Variants in SH3RF3 observed in about 807,000 individuals in gnomAD.
The protein encoded by SH3RF3 is SH3 domain containing ring finger 3, also known as E3 ubiquitin-protein ligase SH3RF3.
In SH3RF3, 29 loss-of-function variants were observed where a neutral mutation model predicts 66.3. That is an observed-to-expected ratio of 0.44 (90% CI 0.33 to 0.60). The LOEUF (loss-of-function observed/expected upper bound fraction) is 0.60. Ranked by LOEUF, SH3RF3 falls within the 20% of genes least tolerant of loss-of-function variation. The pLI is 0.04. For synonymous variants in SH3RF3, 583 were observed against 532.0 expected, an observed-to-expected ratio of 1.10 and a Z score of -1.32; for missense variants, 1,194 against 1,190.9, an observed-to-expected ratio of 1.00 and a Z score of -0.04.
chr2:109,325,169 G>A (rs562863545), intron 1 of SH3RF3, among the ~76,000 whole-genome samples: 1 of 152,002 alleles, frequency 6.6e-6, no homozygotes, highest in Non-Finnish European at 1.5e-5. Flanking sequence ...CAACTCACTG[G>A]TCTTTAATTT....
intron 1 of SH3RF3, among the ~76,000 whole-genome samples, chr2:109,339,136 G>A (rs1012651795): frequency 2.0e-5 from 3 of 152,146 alleles, no homozygotes; most frequent in African/African-American, 7.2e-5. Flanking sequence ...TGGCTTTGCT[G>A]TCTCAGGCAG....
chr2:109,345,630 C>T lies in SH3RF3; in HGVS notation c.574-2044C>T, dbSNP rs995955409. On this transcript the variant is annotated intron_variant, in intron 1 of 9. Coordinates refer to ENST00000309415, the MANE Select transcript of SH3RF3 (RefSeq NM_001099289.3). Reference sequence around the variant, plus strand: ...TTTCTTACATCCCTTCAAAACTGCTCGCCTTGATGGATATCTAAGTGTCTC... The same window carrying T: ...TTTCTTACATCCCTTCAAAACTGCTTGCCTTGATGGATATCTAAGTGTCTC... Among the ~76,000 whole-genome samples, 7 of 152,248 alleles carry T rather than the reference C, an allele frequency of 4.6e-5. No individual in the cohort carries two copies. The South Asian group carries it at 8.3e-4, about 18-fold the overall frequency.
chr2:109,437,511 C>T (rs1042424222), intron 7 of SH3RF3, among the ~76,000 whole-genome samples: 5 of 152,192 alleles, frequency 3.3e-5, no homozygotes, highest in Admixed American at 1.3e-4. Context: ...AGATTAACAC[C>T]GGCACTTTCA....
intron 2 of SH3RF3, among the ~76,000 whole-genome samples, chr2:109,356,613 T>G (rs1559040857): frequency 6.6e-6 from 1 of 152,210 alleles, no homozygotes; most frequent in Non-Finnish European, 1.5e-5. Flanking sequence ...TCCCAGGGCT[T>G]GGCACTTAGG....
chr2:109,368,089 T>A (rs1402362724), intron 2 of SH3RF3, among the ~76,000 whole-genome samples: 4 of 152,230 alleles, frequency 2.6e-5, no homozygotes, highest in African/African-American at 7.2e-5. Context: ...TGGAAATTTG[T>A]TTTTCTTCTT....
chr2:109,164,647 G>GA (rs1479510818), intron 1 of SH3RF3, among the ~76,000 whole-genome samples: 1 of 152,066 alleles, frequency 6.6e-6, no homozygotes, highest in Non-Finnish European at 1.5e-5. Flanking sequence ...TTGGGAGGGG[G>GA]AAAAAAGAGC....
intron 8 of SH3RF3, among the ~76,000 whole-genome samples, chr2:109,474,072 C>T (rs72949162): frequency 0.079 from 12,041 of 152,042 alleles, 1,090 homozygotes; most frequent in African/African-American, 0.22. Context: ...TTTGGGGGTT[C>T]GTGGCTTCCA....
At chr2:109,326,316 ACTAT>A (rs1251593916) in intron 1 of SH3RF3, among the ~76,000 whole-genome samples, 8 of 151,920 alleles carry the variant, frequency 5.3e-5, no homozygotes, top group South Asian at 2.1e-4. Flanking sequence ...TATATCATAG[ACTAT>A]CTACTTCACA....
intron 9 of SH3RF3, among the ~76,000 whole-genome samples, chr2:109,498,918 G>A (rs963844392): frequency 1.3e-5 from 2 of 152,206 alleles, no homozygotes; most frequent in Non-Finnish European, 2.9e-5. Context: ...TGAGGTGGGT[G>A]CACCTGGGGT....
At chr2:109,405,963 C>T (rs1676442763) in intron 4 of SH3RF3, among the ~76,000 whole-genome samples, 1 of 152,234 alleles carries the variant, frequency 6.6e-6, no homozygotes, top group African/African-American at 2.4e-5. Flanking sequence ...AGCATGGTAC[C>T]TGAGAGACTG....
chr2:109,283,659 G>GA (rs1001069261), intron 1 of SH3RF3, among the ~76,000 whole-genome samples: 33 of 152,338 alleles, frequency 2.2e-4, no homozygotes, highest in African/African-American at 7.7e-4. Context: ...TGCACATGGG[G>GA]ACCTGGAAGC....
At chr2:109,148,624 A>G (rs1206392151) in intron 1 of SH3RF3, among the ~76,000 whole-genome samples, 1 of 152,216 alleles carries the variant, frequency 6.6e-6, no homozygotes, top group African/African-American at 2.4e-5. Flanking sequence ...TAAAGATGGC[A>G]TTAGTCAGGC....
At chr2:109,323,738 G>T (rs1489744918) in intron 1 of SH3RF3, among the ~76,000 whole-genome samples, 3 of 152,224 alleles carry the variant, frequency 2.0e-5, no homozygotes. Context: ...GAGTGGGCAT[G>T]AGGATGCTTC....
In SH3RF3 at chr2:109,503,780, C is replaced by G. The variant is rs1389263725; in HGVS notation, c.*2109C>G. 6.6e-6 allele frequency: 1 copy of G among 152,150 alleles called. No individual in the cohort carries two copies. The highest frequency in any genetic ancestry group is 6.5e-5 in the Admixed American group (1 of 15,280). The allele number at this position is 152,150 out of a possible 1,614,324, so 9.4% of individuals were successfully genotyped here. A position where few individuals can be genotyped will look rare whatever the true frequency, so the allele number is the denominator to read the frequency against. On this transcript the variant is annotated 3_prime_UTR_variant, in exon 10 of 10. Coordinates refer to ENST00000309415, the MANE Select transcript of SH3RF3 (RefSeq NM_001099289.3). ...GTACCAAGCAACAGAATAGAGTAAC[C>G]TGAACGTTCTTACTCTCCCAGGCAT...
chr2:109,313,827 A>T (rs1294991172), intron 1 of SH3RF3, among the ~76,000 whole-genome samples: 4 of 152,206 alleles, frequency 2.6e-5, no homozygotes, highest in Admixed American at 1.3e-4. Flanking sequence ...ATTCCAGTGC[A>T]TGTGGGGGAG....
At chr2:109,390,118 C>T (rs116335479) in intron 3 of SH3RF3, among the ~76,000 whole-genome samples, 16 of 152,308 alleles carry the variant, frequency 1.1e-4, no homozygotes, top group South Asian at 6.2e-4. Context: ...GGAGGCCATG[C>T]GGGTCCCCAC....
chr2:109,150,551 G>C (rs1260732012), intron 1 of SH3RF3, among the ~76,000 whole-genome samples: 1 of 152,188 alleles, frequency 6.6e-6, no homozygotes, highest in Non-Finnish European at 1.5e-5. Context: ...GGTATAGATA[G>C]GTGCTATGAT....
intron 1 of SH3RF3, among the ~76,000 whole-genome samples, chr2:109,189,208 A>G (rs1260277383): frequency 6.6e-6 from 1 of 151,364 alleles, no homozygotes. Flanking sequence ...CCCCCGAGAT[A>G]GAGGAGGCTC....
intron 2 of SH3RF3, among the ~76,000 whole-genome samples, chr2:109,348,622 T>A (rs922626773): frequency 6.6e-6 from 1 of 152,166 alleles, no homozygotes. Context: ...TCACACTTGG[T>A]CTTTACAGCT....
Sources: gnomAD v4.1 joint callset for allele counts (sites outside exome capture counted in the v4.1 genomes callset) on GRCh38, gnomAD v4.1.1 for gene constraint, MANE v1.5 for transcripts, NCBI Gene and HGNC (gene_info 2026-07-23, HGNC 2026-07-21) for gene names.